SGCD: variants seen among roughly 807,000 people sequenced by gnomAD.
SGCD encodes the protein delta-sarcoglycan.
In SGCD, 18 loss-of-function variants were observed where a neutral mutation model predicts 36.6. The ratio of observed to expected loss-of-function variants is 0.49; its 90% CI spans 0.34 to 0.73. SGCD has a LOEUF of 0.73. Among genes scored for constraint, SGCD ranks in the 30% least tolerant of loss-of-function variants. SGCD has a pLI of 0.01. For synonymous variants in SGCD, 133 were observed against 130.6 expected (o/e 1.02, Z -0.12); for missense variants, 387 against 346.7 (o/e 1.12, Z -0.92).
At chr5:156,747,700 A>G (rs1561894243) in intron 7 of SGCD, among the ~76,000 whole-genome samples, 1 of 152,130 alleles carries the variant, frequency 6.6e-6, no homozygotes, top group Admixed American at 6.5e-5. Context: ...CATAAGTGAT[A>G]TCCCACTAAT....
chr5:155,732,656 T>A, the SGCD span, among the ~76,000 whole-genome samples: 2 of 152,196 alleles, frequency 1.3e-5, no homozygotes, highest in South Asian at 4.1e-4. Context: ...GTCACTTACA[T>A]CTTAGTCAAA....
intron 3 of SGCD, among the ~76,000 whole-genome samples, chr5:156,272,703 C>T (rs993781902): frequency 1.3e-5 from 2 of 152,140 alleles, no homozygotes; most frequent in Non-Finnish European, 2.9e-5. Flanking sequence ...AGTGGGGTGC[C>T]TGTTTGCTTG....
intron 3 of SGCD, among the ~76,000 whole-genome samples, chr5:156,167,867 T>C (rs1355977417): frequency 6.6e-6 from 1 of 152,224 alleles, no homozygotes; most frequent in African/African-American, 2.4e-5. Flanking sequence ...GTCTCAGATA[T>C]TCCTTTATAG....
intron 3 of SGCD, among the ~76,000 whole-genome samples, chr5:156,150,351 A>G (rs1762804756): frequency 1.3e-5 from 2 of 151,578 alleles, no homozygotes; most frequent in Non-Finnish European, 2.9e-5. Flanking sequence ...ACAGACCTTC[A>G]TTAACCCCCT....
intron 3 of SGCD, among the ~76,000 whole-genome samples, chr5:156,478,345 G>A (rs1387899005): frequency 6.6e-6 from 1 of 152,148 alleles, no homozygotes; most frequent in African/African-American, 2.4e-5. Flanking sequence ...CCACCAATGA[G>A]GTTCTTTTGA....
At chr5:155,781,963 T>A in the SGCD span, among the ~76,000 whole-genome samples, 10 of 151,972 alleles carry the variant, frequency 6.6e-5, no homozygotes, top group African/African-American at 2.2e-4. Flanking sequence ...GCAGAGTGGA[T>A]GGAGTAACTA....
At chr5:156,244,876 T>C (rs892855349) in intron 3 of SGCD, among the ~76,000 whole-genome samples, 6 of 152,196 alleles carry the variant, frequency 3.9e-5, no homozygotes, top group African/African-American at 1.4e-4. Flanking sequence ...ATTAGCAACA[T>C]GTGGCCAATC....
At chr5:155,863,558 A>G in the SGCD span, among the ~76,000 whole-genome samples, 4 of 146,410 alleles carry the variant, frequency 2.7e-5, no homozygotes, top group Non-Finnish European at 3.1e-5. Flanking sequence ...GCCTAAGTCA[A>G]TTACCGTCCT....
chr5:156,645,490 G>A (rs1763192452), intron 6 of SGCD, among the ~76,000 whole-genome samples: 1 of 152,154 alleles, frequency 6.6e-6, no homozygotes. Flanking sequence ...AAAGGTGATT[G>A]AGGATTTAGC....
chr5:156,388,619 A>G (rs1580912783), intron 3 of SGCD, among the ~76,000 whole-genome samples: 1 of 152,230 alleles, frequency 6.6e-6, no homozygotes, highest in East Asian at 1.9e-4. Flanking sequence ...TGCATGGGCT[A>G]CATTAAAATA....
At chr5:156,469,061 T>C (rs1352971744) in intron 3 of SGCD, among the ~76,000 whole-genome samples, 2 of 152,194 alleles carry the variant, frequency 1.3e-5, no homozygotes, top group Non-Finnish European at 2.9e-5. Flanking sequence ...TCCTGACATA[T>C]TGTAAATATT....
chr5:156,566,814 A>G (rs937273330), intron 4 of SGCD, among the ~76,000 whole-genome samples: 1 of 152,202 alleles, frequency 6.6e-6, no homozygotes, highest in Non-Finnish European at 1.5e-5. Context: ...TAGACCTAAA[A>G]TGAGACATTA....
chr5:156,701,754 G>A (rs1388711109), intron 7 of SGCD, among the ~76,000 whole-genome samples: 1 of 152,192 alleles, frequency 6.6e-6, no homozygotes, highest in African/African-American at 2.4e-5. Context: ...AAAACAGTGT[G>A]AGGATTTTTA....
At chr5:156,145,778 G>A (rs1762695826) in intron 3 of SGCD, among the ~76,000 whole-genome samples, 1 of 152,130 alleles carries the variant, frequency 6.6e-6, no homozygotes, top group Admixed American at 6.5e-5. Context: ...AAGCATGCAT[G>A]TGTTCTCTAA....
At chr5:156,504,876 T>A (rs1246523685) in intron 3 of SGCD, among the ~76,000 whole-genome samples, 1 of 152,186 alleles carries the variant, frequency 6.6e-6, no homozygotes, top group Non-Finnish European at 1.5e-5. Context: ...CCAAATATAA[T>A]CTTTTATTTA....
At chr5:156,638,325 T>C (rs1040225715) in intron 6 of SGCD, among the ~76,000 whole-genome samples, 21 of 152,036 alleles carry the variant, frequency 1.4e-4, no homozygotes, top group African/African-American at 5.1e-4. Context: ...TGTTCATATT[T>C]ATTCTCTCCC....
chr5:155,975,047 A>G (rs1188782321), intron 1 of SGCD, among the ~76,000 whole-genome samples: 1 of 152,190 alleles, frequency 6.6e-6, no homozygotes, highest in Non-Finnish European at 1.5e-5. Flanking sequence ...CTCCTGGAGA[A>G]AACAACAGCA....
At chr5:155,971,680 A>G (rs1279136558) in intron 1 of SGCD, among the ~76,000 whole-genome samples, 1 of 152,260 alleles carries the variant, frequency 6.6e-6, no homozygotes, top group South Asian at 2.1e-4. Flanking sequence ...TTCAGAAGAT[A>G]TACTGATATA....
intron 1 of SGCD, among the ~76,000 whole-genome samples, chr5:156,008,724 T>G (rs974365050): frequency 6.6e-6 from 1 of 152,116 alleles, no homozygotes; most frequent in Non-Finnish European, 1.5e-5. Context: ...TAAGGGCCCA[T>G]CCTACTCCAA....
Sources: allele counts gnomAD v4.1 joint callset (sites outside exome capture counted in the v4.1 genomes callset), GRCh38; gene constraint gnomAD v4.1.1; transcripts MANE v1.5; gene names NCBI Gene and HGNC (gene_info 2026-07-23, HGNC 2026-07-21).